Variants in FOXP1 observed in about 807,000 individuals in gnomAD.
FOXP1 encodes the protein forkhead box protein P1.
A neutral mutation model predicts 98.2 loss-of-function variants in FOXP1; 15 were observed. That is an observed-to-expected ratio of 0.15 (90% CI 0.10 to 0.24). FOXP1 has a LOEUF of 0.24. Ranked by LOEUF, FOXP1 falls within the 10% of genes least tolerant of loss-of-function variation. The pLI, the probability that FOXP1 is intolerant of heterozygous loss-of-function variation, is 1.00. For synonymous variants in FOXP1, 371 were observed against 314.5 expected, an observed-to-expected ratio of 1.18 and a Z score of -1.90; for missense variants, 633 against 848.5, an observed-to-expected ratio of 0.75 and a Z score of 3.15.
chr3:71,396,375 A>G (rs1435703898), intron 3 of FOXP1, among the ~76,000 whole-genome samples: 1 of 152,198 alleles, frequency 6.6e-6, no homozygotes, highest in African/African-American at 2.4e-5. Context: ...AATCAACTCA[A>G]GTCTAGGAAG....
chr3:70,960,297 A>G (rs1374782292), intron 20 of FOXP1, among the ~76,000 whole-genome samples: 2 of 152,200 alleles, frequency 1.3e-5, no homozygotes, highest in African/African-American at 4.8e-5. Context: ...CCCAATCAGA[A>G]TAATAACGCT....
intron 4 of FOXP1, among the ~76,000 whole-genome samples, chr3:71,345,405 C>T (rs879884895): frequency 0.25 from 14,864 of 60,016 alleles, 967 homozygotes; most frequent in Non-Finnish European, 0.35. Context: ...TATACACACA[C>T]ACACACACAC....
chr3:71,178,294 C>T (rs965698232), intron 6 of FOXP1, among the ~76,000 whole-genome samples: 2 of 152,108 alleles, frequency 1.3e-5, no homozygotes, highest in African/African-American at 4.8e-5. Flanking sequence ...ACCACCACAC[C>T]TGGCTAATTT....
rs373456422 is a variant in FOXP1 at position 71,015,608 on chromosome 3, A to G, written c.915T>C (p.His305=). The stretch of plus-strand genomic sequence containing the variant: ...CACAGCCTGGCCACTTGCATACACC[A>G]TGTCCATAGAGAGGATGGCTATGGG... ...EHPHSHPLYG[H]GVCKWPGCEA... is the part of the protein sequence containing the mutation. The change falls in exon 12 of 21, where the codon CAT becomes CAC. Residue 305 remains histidine (H), a synonymous_variant. Coordinates refer to ENST00000649528, the MANE Select transcript of FOXP1 (RefSeq NM_001349338.3). 6 of 1,613,216 alleles carry G rather than the reference A, an allele frequency of 3.7e-6. No individual in the cohort carries two copies. Among genetic ancestry groups the G allele is most frequent in the Non-Finnish European group, 5.1e-6 (6 of 1,179,408 alleles).
chr3:71,146,157 G>C (rs2060297684), intron 6 of FOXP1, among the ~76,000 whole-genome samples: 1 of 152,132 alleles, frequency 6.6e-6, no homozygotes, highest in African/African-American at 2.4e-5. Flanking sequence ...AGTCCCTTCA[G>C]GGTGATGCTT....
chr3:70,993,186 T>C (rs2040870595), intron 13 of FOXP1, among the ~76,000 whole-genome samples: 1 of 152,250 alleles, frequency 6.6e-6, no homozygotes, highest in African/African-American at 2.4e-5. Context: ...TTGTGCACTT[T>C]TCTCCCTGCT....
chr3:71,215,981 G>C (rs1287551727), intron 5 of FOXP1, among the ~76,000 whole-genome samples: 1 of 152,206 alleles, frequency 6.6e-6, no homozygotes, highest in African/African-American at 2.4e-5. Context: ...GAAGGTACAT[G>C]CTAATAATTG....
At chr3:71,356,824 G>C (rs1329287942) in intron 4 of FOXP1, among the ~76,000 whole-genome samples, 1 of 152,090 alleles carries the variant, frequency 6.6e-6, no homozygotes, top group African/African-American at 2.4e-5. Context: ...ATTACCCTAA[G>C]TTTTATGACT....
At chr3:71,397,038 A>G (rs1418656322) in intron 3 of FOXP1, among the ~76,000 whole-genome samples, 1,397 of 64,942 alleles carry the variant, frequency 0.022, 232 homozygotes, top group Non-Finnish European at 0.034. Flanking sequence ...ATATATGTGT[A>G]TATATATATA....
chr3:71,533,244 C>A (rs963542162), intron 2 of FOXP1, among the ~76,000 whole-genome samples: 1 of 152,114 alleles, frequency 6.6e-6, no homozygotes, highest in Non-Finnish European at 1.5e-5. Flanking sequence ...TGCACAGGCC[C>A]ACTTATGAGA....
At chr3:70,996,588 T>C (rs552349654) in intron 13 of FOXP1, among the ~76,000 whole-genome samples, 1 of 152,276 alleles carries the variant, frequency 6.6e-6, no homozygotes, top group African/African-American at 2.4e-5. Flanking sequence ...GCCTTCCATT[T>C]TGGGTGAAAG....
intron 3 of FOXP1, among the ~76,000 whole-genome samples, chr3:71,366,119 T>C (rs2078914024): frequency 6.6e-6 from 1 of 152,192 alleles, no homozygotes; most frequent in Non-Finnish European, 1.5e-5. Flanking sequence ...GTACAATTAT[T>C]GTAATGACGA....
chr3:71,466,503 T>C (rs2108565250), intron 3 of FOXP1, among the ~76,000 whole-genome samples: 1 of 152,366 alleles, frequency 6.6e-6, no homozygotes, highest in East Asian at 1.9e-4. Flanking sequence ...AGATTCTTGC[T>C]AAAATGACAG....
At chr3:71,538,148 C>G (rs1398418439) in intron 2 of FOXP1, among the ~76,000 whole-genome samples, 1 of 152,214 alleles carries the variant, frequency 6.6e-6, no homozygotes, top group Admixed American at 6.5e-5. Flanking sequence ...GAAATGCAGA[C>G]AGATCGTGAA....
At chr3:71,231,849 G>A (rs2066315336) in intron 5 of FOXP1, among the ~76,000 whole-genome samples, 1 of 152,246 alleles carries the variant, frequency 6.6e-6, no homozygotes, top group Admixed American at 6.5e-5. Flanking sequence ...AATTTAGAAC[G>A]AGGGGAACAG....
intron 11 of FOXP1, among the ~76,000 whole-genome samples, chr3:71,026,538 G>A (rs2046140741): frequency 6.6e-6 from 1 of 152,178 alleles, no homozygotes; most frequent in Admixed American, 6.5e-5. Context: ...ACAGTGTAGT[G>A]TGTCTGATGC....
At chr3:70,972,169 G>A (rs1216558588) in intron 18 of FOXP1, 5 of 1,526,670 alleles carry the variant, frequency 3.3e-6, no homozygotes, top group Non-Finnish European at 4.4e-6. Context: ...AGAGGTTGGT[G>A]CGAATGGCAC....
At chr3:71,174,853 GAA>G in intron 6 of FOXP1, among the ~76,000 whole-genome samples, 1 of 150,102 alleles carries the variant, frequency 6.7e-6, no homozygotes, top group Non-Finnish European at 1.5e-5. Context: ...GGTAGGAAGA[GAA>G]GGGTAGAAGA....
intron 1 of FOXP1, chr3:71,582,042 T>A: frequency 1.0e-6 from 1 of 973,960 alleles, no homozygotes; most frequent in Non-Finnish European, 1.2e-6. Flanking sequence ...GTTTATTTAG[T>A]CCTTATTCTC....
Sources: gnomAD v4.1 joint callset for allele counts (sites outside exome capture counted in the v4.1 genomes callset) on GRCh38, gnomAD v4.1.1 for gene constraint, MANE v1.5 for transcripts, NCBI Gene and HGNC (gene_info 2026-07-23, HGNC 2026-07-21) for gene names.